SPECC1L: variants seen among roughly 807,000 people sequenced by gnomAD.
SPECC1L encodes cytospin-A.
A neutral mutation model predicts 116.8 loss-of-function variants in SPECC1L; 40 were observed. That is an observed-to-expected ratio of 0.34 (90% CI 0.27 to 0.45). SPECC1L has a LOEUF of 0.45. Ranked by LOEUF, SPECC1L falls within the 20% of genes least tolerant of loss-of-function variation. The pLI is 1.00. For synonymous variants in SPECC1L, 504 were observed against 500.6 expected, an observed-to-expected ratio of 1.01 and a Z score of -0.09; for missense variants, 1,110 against 1,373.6, an observed-to-expected ratio of 0.81 and a Z score of 3.03.
intron 10 of SPECC1L, among the ~76,000 whole-genome samples, chr22:24,343,146 A>G (rs763627396): frequency 7.2e-5 from 11 of 152,106 alleles, no homozygotes; most frequent in Non-Finnish European, 1.0e-4. Flanking sequence ...GTGAGCTGAG[A>G]TCGCACCACT....
chr22:24,299,573 T>G (rs2049335093), intron 2 of SPECC1L, among the ~76,000 whole-genome samples: 1 of 152,218 alleles, frequency 6.6e-6, no homozygotes, highest in Non-Finnish European at 1.5e-5. Context: ...TCTTTTCTCC[T>G]CTTGGACCTC....
chr22:24,392,234 A>G (rs948773634), intron 14 of SPECC1L, among the ~76,000 whole-genome samples: 2 of 152,256 alleles, frequency 1.3e-5, no homozygotes, highest in Non-Finnish European at 2.9e-5. Context: ...GCTGAGAAAC[A>G]GAAATCAGAT....
Position 24,322,078 on chromosome 22 carries a change from ATCC to A in SPECC1L, c.1104_1106del (p.Ser369del). The A allele has an allele frequency of 1.9e-6, 3 of 1,614,168 alleles. No individual in the cohort carries two copies. The highest frequency in any genetic ancestry group is 2.5e-6 in the Non-Finnish European group (3 of 1,180,030). On this transcript the variant is annotated inframe_deletion, in exon 5 of 17. Transcript: ENST00000314328. The stretch of plus-strand genomic sequence containing the variant: ...CGAGCGATGATGCGCTGGATGCACC[ATCC>A]TCCTCAGAGTCGGAAGGCATCCCCA...
chr22:24,342,672 CAAAAAAA>C (rs35947804), intron 10 of SPECC1L, among the ~76,000 whole-genome samples: 1 of 102,186 alleles, frequency 9.8e-6, no homozygotes, highest in Non-Finnish European at 2.1e-5. Flanking sequence ...GACTCCATCT[CAAAAAAA>C]AAAAAAAAAA....
intron 3 of SPECC1L, among the ~76,000 whole-genome samples, chr22:24,309,969 CT>C (rs1209897241): frequency 2.0e-5 from 3 of 152,242 alleles, no homozygotes; most frequent in Admixed American, 6.5e-5. Context: ...CTCTCCTCCC[CT>C]GTTCCCTCTT....
chr22:24,292,416 G>A lies in SPECC1L; in HGVS notation c.-37-9779G>A, dbSNP rs2049171896. On this transcript the variant is annotated intron_variant, in intron 2 of 16. Coordinates refer to ENST00000314328, the MANE Select transcript of SPECC1L (RefSeq NM_015330.6). ...CTGTGATGAAGTAACTTCTGGAAGT[G>A]GGATATCAGGAGTTATGTTCTTGTT... Among the ~76,000 whole-genome samples, 2 of 152,098 alleles carry A rather than the reference G, an allele frequency of 1.3e-5. 1 individual carries two copies. Among genetic ancestry groups the A allele is most frequent in the South Asian group, 4.1e-4 (2 of 4,832 alleles).
intron 14 of SPECC1L, among the ~76,000 whole-genome samples, chr22:24,376,742 C>T (rs943672461): frequency 5.9e-5 from 9 of 151,914 alleles, no homozygotes; most frequent in African/African-American, 1.9e-4. Context: ...ACGGCAGGAA[C>T]GTGAATACTG....
intron 2 of SPECC1L, among the ~76,000 whole-genome samples, chr22:24,296,308 C>T (rs2049261333): frequency 6.6e-6 from 1 of 152,200 alleles, no homozygotes; most frequent in African/African-American, 2.4e-5. Flanking sequence ...TGCTTGCTGT[C>T]GGGGAGAGGC....
intron 2 of SPECC1L, among the ~76,000 whole-genome samples, chr22:24,298,113 GTATAA>G (rs2049303096): frequency 6.6e-6 from 1 of 152,120 alleles, no homozygotes; most frequent in Non-Finnish European, 1.5e-5. Flanking sequence ...TGAATGTAAT[GTATAA>G]TATTCAATAA....
intron 2 of SPECC1L, among the ~76,000 whole-genome samples, chr22:24,278,713 G>A (rs2048884574): frequency 6.6e-6 from 1 of 152,102 alleles, no homozygotes; most frequent in Non-Finnish European, 1.5e-5. Context: ...TTGAATCGTT[G>A]GCAGCTTTCT....
intron 14 of SPECC1L, among the ~76,000 whole-genome samples, chr22:24,388,527 A>G (rs1207607636): frequency 6.6e-6 from 1 of 151,898 alleles, no homozygotes; most frequent in Non-Finnish European, 1.5e-5. Context: ...GCTATTGTGA[A>G]TAGTGCCGCA....
chr22:24,397,030 TA>T (rs991368593), intron 14 of SPECC1L, among the ~76,000 whole-genome samples: 1 of 152,180 alleles, frequency 6.6e-6, no homozygotes, highest in East Asian at 1.9e-4. Context: ...TGGTCCAAAG[TA>T]AAGTGTTTTA....
At chr22:24,306,081 A>C (rs190428561) in intron 3 of SPECC1L, among the ~76,000 whole-genome samples, 1 of 151,778 alleles carries the variant, frequency 6.6e-6, no homozygotes, top group Non-Finnish European at 1.5e-5. Context: ...AATTTTTTGT[A>C]TTTTTAGTAG....
intron 2 of SPECC1L, among the ~76,000 whole-genome samples, chr22:24,280,370 C>T (rs972295266): frequency 1.7e-4 from 26 of 151,088 alleles, no homozygotes; most frequent in Non-Finnish European, 4.4e-5. Flanking sequence ...ATGAACATTC[C>T]TGGGGTGAGG....
intron 2 of SPECC1L, among the ~76,000 whole-genome samples, chr22:24,279,437 C>T (rs1461256405): frequency 6.6e-6 from 1 of 152,200 alleles, no homozygotes; most frequent in Non-Finnish European, 1.5e-5. Context: ...CTATTTTGCA[C>T]AGGCTGGTCT....
chr22:24,310,185 C>G (rs913733850), intron 3 of SPECC1L, among the ~76,000 whole-genome samples: 4 of 152,316 alleles, frequency 2.6e-5, no homozygotes, highest in Non-Finnish European at 4.4e-5. Context: ...TGGTAGCAGT[C>G]TTTCTTATTT....
intron 11 of SPECC1L, among the ~76,000 whole-genome samples, chr22:24,359,094 T>C (rs1216835536): frequency 1.3e-5 from 2 of 152,114 alleles, no homozygotes. Flanking sequence ...ATCTTTCCTT[T>C]GTTAAGAAAA....
intron 14 of SPECC1L, among the ~76,000 whole-genome samples, chr22:24,403,675 G>A (rs919507580): frequency 4.6e-5 from 7 of 152,208 alleles, no homozygotes; most frequent in African/African-American, 1.7e-4. Flanking sequence ...ACCCCTGGAA[G>A]ATAAGGACTT....
chr22:24,372,150 A>G (rs747732056), intron 14 of SPECC1L, among the ~76,000 whole-genome samples: 9 of 152,208 alleles, frequency 5.9e-5, no homozygotes, highest in Non-Finnish European at 1.3e-4. Context: ...ATAGCTTACC[A>G]ACCAAAAAAA....
Sources: allele counts gnomAD v4.1 joint callset (sites outside exome capture counted in the v4.1 genomes callset), GRCh38; gene constraint gnomAD v4.1.1; transcripts MANE v1.5; gene names NCBI Gene and HGNC (gene_info 2026-07-23, HGNC 2026-07-21).